Variants in SYNE3 observed in about 807,000 individuals in gnomAD.
The protein encoded by SYNE3 is nesprin-3.
In SYNE3, 100 loss-of-function variants were observed where a neutral mutation model predicts 111.2. The observed-to-expected ratio is 0.90, with a 90% CI of 0.77 to 1.06. The LOEUF (loss-of-function observed/expected upper bound fraction) is 1.06, where lower values mean the gene tolerates loss of function less well. Among genes scored for constraint, SYNE3 ranks in the 50% least tolerant of loss-of-function variants. SYNE3 has a pLI of 0.00. For missense variants in SYNE3, 1,160 were observed against 1,240.3 expected (o/e 0.94, Z 0.97); for synonymous variants, 547 against 533.9 (o/e 1.02, Z -0.34).
chr14:95,502,508 T>C (rs2139601058), intron 1 of SYNE3, among the ~76,000 whole-genome samples: 1 of 152,226 alleles, frequency 6.6e-6, no homozygotes, highest in Middle Eastern at 3.4e-3. Flanking sequence ...CTTCCTTATC[T>C]GAGCTTTATC....
Position 95,416,676 on chromosome 14 carries a change from C to T in SYNE3, c.*1150G>A, listed in dbSNP as rs908478923. The stretch of plus-strand genomic sequence containing the variant: ...GTCCCATATGGGGATGCACATGAGA[C>T]CTTCTTGGCCCCATAGACCTGCTGT... On this transcript the variant is annotated 3_prime_UTR_variant, in exon 18 of 18. Coordinates refer to ENST00000682763, the MANE Select transcript of SYNE3 (RefSeq NM_152592.6). 6.6e-6 allele frequency: 1 copy of T among 152,272 alleles called. No homozygotes were observed. Among genetic ancestry groups the T allele is most frequent in the Non-Finnish European group, 1.5e-5 (1 of 68,090 alleles). 9.4% of individuals were successfully genotyped at this position (152,272 alleles called of 1,614,324 possible).
chr14:95,436,397 C>T lies in SYNE3; in HGVS notation c.2538+423G>A, dbSNP rs188665076. ...ATTCTCATCTCTAATAGCCCACCAGCCCCTAGAAGTAGAGACACCCAACTG... is the reference window on the plus strand; with the variant it reads ...ATTCTCATCTCTAATAGCCCACCAGTCCCTAGAAGTAGAGACACCCAACTG... On this transcript the variant is annotated intron_variant, in intron 15 of 17. Transcript: ENST00000682763. 9.2e-5 allele frequency among the ~76,000 whole-genome samples: 14 copies of T among 152,268 alleles called. No homozygotes were observed. The East Asian group carries it at 2.5e-3, about 27-fold the overall frequency.
At chr14:95,474,169 GA>G (rs1398795766) in intron 2 of SYNE3, among the ~76,000 whole-genome samples, 1 of 152,246 alleles carries the variant, frequency 6.6e-6, no homozygotes, top group African/African-American at 2.4e-5. Flanking sequence ...GTGATCTTGG[GA>G]GGTGTGACAG....
intron 8 of SYNE3, chr14:95,449,695 G>C: frequency 1.0e-6 from 1 of 984,558 alleles, no homozygotes; most frequent in Non-Finnish European, 1.2e-6. Flanking sequence ...CTTGCGGGTG[G>C]GGAGCGTCCG....
intron 8 of SYNE3, among the ~76,000 whole-genome samples, chr14:95,447,988 C>T (rs1218860801): frequency 2.6e-5 from 4 of 152,118 alleles, no homozygotes; most frequent in Non-Finnish European, 5.9e-5. Context: ...GTGGATACAC[C>T]GAATTATGTC....
At position 95,417,146 on chromosome 14, in the gene SYNE3, G is replaced by C. The variant is rs1489718505; in HGVS notation, c.*680C>G. 1 of 156,514 alleles carries C rather than the reference G, an allele frequency of 6.4e-6. No homozygotes were observed. The highest frequency in any genetic ancestry group is 1.4e-5 in the Non-Finnish European group (1 of 70,528). 9.7% of individuals were successfully genotyped at this position (156,514 alleles called of 1,614,324 possible). ...CACAGCTGTGCTTTCTTAGTTCGGG[G>C]ATCTGCTCTCTGCAGCTCTTCTTTT... On this transcript the variant is annotated 3_prime_UTR_variant, in exon 18 of 18. Transcript: ENST00000682763.
At chr14:95,437,031 G>A in intron 14 of SYNE3, 50 bp from the exon 15 acceptor site, 3 of 1,610,678 alleles carry the variant, frequency 1.9e-6, no homozygotes, top group Non-Finnish European at 2.5e-6. Flanking sequence ...AGCCCCCCTG[G>A]CCATGTGTCC....
intron 17 of SYNE3, among the ~76,000 whole-genome samples, chr14:95,428,701 C>A (rs1010258968): frequency 4.6e-5 from 7 of 152,224 alleles, no homozygotes; most frequent in Non-Finnish European, 1.0e-4. Flanking sequence ...CACAGCACAA[C>A]TGCAACTCAA....
At chr14:95,502,416 T>C (rs900870080) in intron 1 of SYNE3, among the ~76,000 whole-genome samples, 1 of 152,104 alleles carries the variant, frequency 6.6e-6, no homozygotes, top group South Asian at 2.1e-4. Flanking sequence ...GCCTACAGCC[T>C]GTGTGTCCTG....
chr14:95,467,784 G>T lies in SYNE3; in HGVS notation c.317+11C>A. On this transcript the variant is annotated intron_variant, in intron 3 of 17. Coordinates refer to ENST00000682763, the MANE Select transcript of SYNE3 (RefSeq NM_152592.6). ...AATGGCAGCTGTGGACAAAGGCCCTGGATGCCCTACCTGTGACAGTGAGTC... is the reference window on the plus strand; with the variant it reads ...AATGGCAGCTGTGGACAAAGGCCCTTGATGCCCTACCTGTGACAGTGAGTC... The T allele has an allele frequency of 6.2e-7, 1 of 1,614,012 alleles. No individual in the cohort carries two copies.
At chr14:95,445,825 G>A in intron 9 of SYNE3, 84 bp downstream of exon 9, 1 of 1,471,284 alleles carries the variant, frequency 6.8e-7, no homozygotes, top group Non-Finnish European at 9.3e-7. Flanking sequence ...GCTGAGTTTA[G>A]AACATAAGGC....
chr14:95,419,846 GTGA>G (rs1169974979), intron 17 of SYNE3, among the ~76,000 whole-genome samples: 4 of 1,976 alleles, frequency 2.0e-3, no homozygotes, highest in African/African-American at 5.6e-3. Context: ...GATGGTGATG[GTGA>G]TGATGGTGAT....
At chr14:95,469,531 C>CAAAAAAAA (rs71132350) in intron 2 of SYNE3, among the ~76,000 whole-genome samples, 7 of 99,424 alleles carry the variant, frequency 7.0e-5, no homozygotes, top group Admixed American at 1.2e-4. Flanking sequence ...CATGTCTCTA[C>CAAAAAAAA]AAAAAAAAAA....
intron 1 of SYNE3, among the ~76,000 whole-genome samples, chr14:95,476,999 G>A (rs1888923947): frequency 1.3e-5 from 2 of 152,196 alleles, no homozygotes; most frequent in Admixed American, 1.3e-4. Flanking sequence ...TAATTTTTAG[G>A]ATATAATGGC....
At position 95,416,123 on chromosome 14, in the gene SYNE3, C is replaced by T. The variant is rs954291399; in HGVS notation, c.*1703G>A. 3 of 150,700 alleles carry T rather than the reference C, an allele frequency of 2.0e-5. No homozygotes were observed. The highest frequency in any genetic ancestry group is 4.4e-5 in the Non-Finnish European group (3 of 67,952). 9.3% of individuals were successfully genotyped at this position (150,700 alleles called of 1,614,324 possible). On this transcript the variant is annotated 3_prime_UTR_variant, in exon 18 of 18. Transcript: ENST00000682763. ...ACGAGTTAAAAGAAAAAAAAAAGTA[C>T]GCTTTCTGAGTCAGCCCCAAGGGCT... is the stretch of plus-strand genomic sequence containing the variant.
chr14:95,483,529 T>C (rs1367625084), intron 1 of SYNE3, among the ~76,000 whole-genome samples: 1 of 152,000 alleles, frequency 6.6e-6, no homozygotes, highest in Admixed American at 6.6e-5. Flanking sequence ...GGAACACAAT[T>C]TTGTTTATTT....
At chr14:95,451,858 A>G (rs6575513) in intron 7 of SYNE3, 99,955 of 157,786 alleles carry the variant, frequency 0.63, 33,254 homozygotes, top group African/African-American at 0.85. Context: ...GGGCTGAGGG[A>G]CACGTGGAGG....
Position 95,439,757 on chromosome 14 carries a change from C to A in SYNE3, c.2101G>T (p.Glu701Ter). The A allele has an allele frequency of 1.2e-6, 2 of 1,613,508 alleles. No homozygotes were observed. Among genetic ancestry groups the A allele is most frequent in the South Asian group, 2.2e-5 (2 of 91,024 alleles). ...GCTTCCACCAGGGACAGCTGGGCCT[C>A]CTTCTCCGGGAATTCTGCCACCAGC... ...ERLVAEFPEK[E>*]AQLSLVEAQG... is the part of the protein sequence containing the mutation. The change falls in exon 13 of 18, where the codon GAG (glutamate) becomes TAG (stop). Residue 701 changes from glutamate (E) to a stop codon, truncating the protein, a stop_gained. Transcript: ENST00000682763. LOFTEE classifies it high-confidence loss of function.
At chr14:95,481,568 G>A (rs1017745132) in intron 1 of SYNE3, among the ~76,000 whole-genome samples, 28 of 152,304 alleles carry the variant, frequency 1.8e-4, no homozygotes, top group Admixed American at 5.2e-4. Context: ...ACCACCCAGG[G>A]CGGAGAGGCT....
Sources: gnomAD v4.1 joint callset for allele counts (sites outside exome capture counted in the v4.1 genomes callset) on GRCh38, gnomAD v4.1.1 for gene constraint, MANE v1.5 for transcripts, NCBI Gene and HGNC (gene_info 2026-07-23, HGNC 2026-07-21) for gene names.